CTNNA3: variants seen among roughly 807,000 people sequenced by gnomAD.
CTNNA3 encodes catenin alpha 3, also known as catenin alpha-3.
Under a neutral mutation model 95.7 loss-of-function variants are expected in CTNNA3, and 76 were observed. The ratio of observed to expected loss-of-function variants is 0.79; its 90% CI spans 0.66 to 0.96. The LOEUF is 0.96. Among genes scored for constraint, CTNNA3 ranks in the 40% least tolerant of loss-of-function variants. The probability of loss-of-function intolerance (pLI) is 0.00; values close to 1 mark genes in which losing one functional copy is unlikely to be tolerated. For synonymous variants in CTNNA3, 431 were observed against 374.4 expected, an observed-to-expected ratio of 1.15 and a Z score of -1.74; for missense variants, 1,191 against 1,089.8, an observed-to-expected ratio of 1.09 and a Z score of -1.31.
At chr10:66,541,259 T>A (rs1454532615) in intron 10 of CTNNA3, among the ~76,000 whole-genome samples, 1 of 152,158 alleles carries the variant, frequency 6.6e-6, no homozygotes, top group East Asian at 1.9e-4. Context: ...ACTTGTTTCA[T>A]TTCTGCTCAG....
intron 5 of CTNNA3, among the ~76,000 whole-genome samples, chr10:67,366,833 C>T (rs1457463611): frequency 1.3e-5 from 2 of 152,034 alleles, no homozygotes; most frequent in Non-Finnish European, 2.9e-5. Context: ...AAACTGGACC[C>T]CTACCTCTAA....
At chr10:67,457,555 T>C (rs537441240) in intron 5 of CTNNA3, among the ~76,000 whole-genome samples, 29 of 152,332 alleles carry the variant, frequency 1.9e-4, no homozygotes, top group African/African-American at 6.7e-4. Context: ...TATATTGATG[T>C]TCTAACAAAT....
chr10:67,625,837 G>GC (rs1331886387), intron 2 of CTNNA3, among the ~76,000 whole-genome samples: 12 of 152,246 alleles, frequency 7.9e-5, no homozygotes, highest in African/African-American at 2.9e-4. Flanking sequence ...CAGGGAACCA[G>GC]CCCCTTGGAG....
At chr10:67,565,951 T>C (rs1841752788) in intron 3 of CTNNA3, among the ~76,000 whole-genome samples, 2 of 132,984 alleles carry the variant, frequency 1.5e-5, no homozygotes, top group Admixed American at 7.8e-5. Flanking sequence ...AAACTCAGTG[T>C]CCATCAATAG....
intron 5 of CTNNA3, among the ~76,000 whole-genome samples, chr10:67,514,053 C>G (rs1839727322): frequency 6.6e-6 from 1 of 152,158 alleles, no homozygotes; most frequent in African/African-American, 2.4e-5. Flanking sequence ...GTTCATGCCT[C>G]TAATCCTTGC....
chr10:66,708,201 G>T (rs1848179452), intron 9 of CTNNA3, among the ~76,000 whole-genome samples: 1 of 150,722 alleles, frequency 6.6e-6, no homozygotes, highest in East Asian at 2.0e-4. Context: ...ATCATACAGA[G>T]CTTTTTTGGC....
chr10:67,404,844 T>C (rs1021248280), intron 5 of CTNNA3, among the ~76,000 whole-genome samples: 1 of 152,170 alleles, frequency 6.6e-6, no homozygotes, highest in Non-Finnish European at 1.5e-5. Context: ...GGGAAGCCCA[T>C]TGGACTAACA....
At chr10:66,828,425 T>A (rs1842592865) in intron 7 of CTNNA3, among the ~76,000 whole-genome samples, 1 of 152,208 alleles carries the variant, frequency 6.6e-6, no homozygotes, top group South Asian at 2.1e-4. Context: ...TGGTAACTAT[T>A]ACCACAATGT....
At chr10:67,080,632 G>A (rs1030809913) in intron 7 of CTNNA3, among the ~76,000 whole-genome samples, 8 of 152,084 alleles carry the variant, frequency 5.3e-5, no homozygotes, top group East Asian at 1.9e-4. Flanking sequence ...AGTAACGGCC[G>A]GGCATGGTGG....
intron 12 of CTNNA3, among the ~76,000 whole-genome samples, chr10:66,334,337 A>C (rs2092369538): frequency 1.3e-5 from 2 of 151,728 alleles, no homozygotes; most frequent in African/African-American, 4.8e-5. Context: ...AGTCTTTACA[A>C]TTTGGCATGT....
intron 14 of CTNNA3, chr10:66,097,830 A>G (rs923690898): frequency 6.6e-6 from 1 of 152,158 alleles, no homozygotes; most frequent in African/African-American, 2.4e-5. Flanking sequence ...AACAGGAAAA[A>G]CTTCTAGAAA....
At chr10:67,368,076 A>C (rs565589144) in intron 5 of CTNNA3, among the ~76,000 whole-genome samples, 3 of 152,278 alleles carry the variant, frequency 2.0e-5, no homozygotes, top group African/African-American at 7.2e-5. Context: ...GCTCCAAAAA[A>C]AATGAATGAA....
At chr10:67,369,165 T>A (rs961221483) in intron 5 of CTNNA3, among the ~76,000 whole-genome samples, 1 of 152,140 alleles carries the variant, frequency 6.6e-6, no homozygotes, top group Admixed American at 6.6e-5. Flanking sequence ...CCTTGGTAAT[T>A]AAAATACTGA....
chr10:66,707,177 G>A (rs1488875891), intron 9 of CTNNA3, among the ~76,000 whole-genome samples: 2 of 151,826 alleles, frequency 1.3e-5, no homozygotes, highest in African/African-American at 4.8e-5. Context: ...TATTGGGAAG[G>A]TATTTTTCAA....
chr10:67,146,100 CCA>C (rs1259167696), intron 7 of CTNNA3, among the ~76,000 whole-genome samples: 1 of 151,810 alleles, frequency 6.6e-6, no homozygotes, highest in Admixed American at 6.6e-5. Flanking sequence ...CAGCACCCCT[CCA>C]CACACACACA....
chr10:66,824,523 G>T (rs909523948), intron 7 of CTNNA3, among the ~76,000 whole-genome samples: 1 of 152,076 alleles, frequency 6.6e-6, no homozygotes, highest in Non-Finnish European at 1.5e-5. Context: ...TAAGGAAATA[G>T]GTACCTTGAA....
At position 65,957,716 on chromosome 10, in the gene CTNNA3, C is replaced by T. The variant is rs138217798; in HGVS notation, c.2400+8896G>A. Among the ~76,000 whole-genome samples, 1,412 of 152,188 alleles carry T rather than the reference C, an allele frequency of 9.3e-3. 27 individuals carry two copies. The highest frequency in any genetic ancestry group is 0.032 in the African/African-American group (1,323 of 41,510). Reference sequence around the variant, plus strand: ...TTTCTTTAAGAATGTTGAATATTGGCCCTCTCTTCTGGCTTGTAGAGTTTC... The same window carrying T: ...TTTCTTTAAGAATGTTGAATATTGGTCCTCTCTTCTGGCTTGTAGAGTTTC... On this transcript the variant is annotated intron_variant, in intron 17 of 17. Transcript: ENST00000433211.
At chr10:66,085,196 T>C (rs1378016905) in intron 14 of CTNNA3, among the ~76,000 whole-genome samples, 1 of 152,128 alleles carries the variant, frequency 6.6e-6, no homozygotes, top group Non-Finnish European at 1.5e-5. Context: ...AATATATTCA[T>C]TTTGAAACAA....
intron 7 of CTNNA3, among the ~76,000 whole-genome samples, chr10:66,853,376 G>A (rs545578213): frequency 1.3e-5 from 2 of 152,140 alleles, no homozygotes; most frequent in Non-Finnish European, 2.9e-5. Flanking sequence ...ATTAATTCCA[G>A]ATAACTCTCT....
Sources: allele counts gnomAD v4.1 joint callset (sites outside exome capture counted in the v4.1 genomes callset), GRCh38; gene constraint gnomAD v4.1.1; transcripts MANE v1.5; gene names NCBI Gene and HGNC (gene_info 2026-07-23, HGNC 2026-07-21).